Variants in RANBP2 observed in about 807,000 individuals in gnomAD.
RANBP2 encodes E3 SUMO-protein ligase RanBP2.
In RANBP2, 57 loss-of-function variants were observed where a neutral mutation model predicts 303.6. The observed-to-expected ratio is 0.19, with a 90% CI of 0.15 to 0.23. RANBP2 has a LOEUF of 0.23. Ranked by LOEUF, RANBP2 falls within the 10% of genes least tolerant of loss-of-function variation. RANBP2 has a pLI of 1.00. For missense variants in RANBP2, 3,138 were observed against 3,780.8 expected (o/e 0.83, Z 4.46); for synonymous variants, 1,167 against 1,301.5 (o/e 0.90, Z 2.23).
At chr2:109,450,697 G>A in the RANBP2 span, among the ~76,000 whole-genome samples, 11 of 152,218 alleles carry the variant, frequency 7.2e-5, no homozygotes, top group East Asian at 2.1e-3. Flanking sequence ...AAGCCCATGT[G>A]AAATCCAATA....
the RANBP2 span, among the ~76,000 whole-genome samples, chr2:109,512,401 G>A: frequency 0.52 from 78,837 of 151,870 alleles, 20,867 homozygotes; most frequent in Middle Eastern, 0.68. Flanking sequence ...TGTGGCCTCC[G>A]CCACCCTCCT....
At chr2:109,388,632 A>T in the RANBP2 span, among the ~76,000 whole-genome samples, 3 of 152,222 alleles carry the variant, frequency 2.0e-5, no homozygotes, top group Non-Finnish European at 4.4e-5. Flanking sequence ...GCATTCATTC[A>T]AACACCTATG....
chr2:108,737,009 T>C lies in RANBP2; in HGVS notation c.782+760T>C, dbSNP rs1243034576. Among the ~76,000 whole-genome samples, 3 of 139,628 alleles carry C rather than the reference T, an allele frequency of 2.1e-5. No individual in the cohort carries two copies. In the East Asian group the frequency reaches 5.9e-4, roughly 27 times the overall value. 91.6% of individuals were successfully genotyped at this position (139,628 alleles called of 152,430 possible). On this transcript the variant is annotated intron_variant, in intron 6 of 28. Transcript: ENST00000283195. Reference sequence around the variant, plus strand: ...CAGATTAGTATTCTCCTCCTTTTTGTAGAAAAAGTTTACTGATTGCTAGTT... The same window carrying C: ...CAGATTAGTATTCTCCTCCTTTTTGCAGAAAAAGTTTACTGATTGCTAGTT...
At chr2:109,416,543 C>T in the RANBP2 span, among the ~76,000 whole-genome samples, 234 of 152,286 alleles carry the variant, frequency 1.5e-3, 1 homozygote, top group African/African-American at 5.5e-3. Context: ...CGCCATCATG[C>T]CTGGCTAATT....
the RANBP2 span, among the ~76,000 whole-genome samples, chr2:108,857,821 AAAAC>A: frequency 6.6e-6 from 1 of 152,238 alleles, no homozygotes; most frequent in Admixed American, 6.5e-5. Context: ...TTTAATGAGA[AAAAC>A]AAAAATCATA....
the RANBP2 span, among the ~76,000 whole-genome samples, chr2:109,659,433 C>T: frequency 6.6e-5 from 10 of 152,168 alleles, no homozygotes; most frequent in Non-Finnish European, 1.2e-4. Flanking sequence ...CCCCGTGGCC[C>T]CAGGCTCCTT....
chr2:108,756,365 C>T (rs1676316801), intron 17 of RANBP2, among the ~76,000 whole-genome samples: 1 of 152,094 alleles, frequency 6.6e-6, no homozygotes, highest in Non-Finnish European at 1.5e-5. Flanking sequence ...CAATAGGGTT[C>T]AAAGGAGCTT....
chr2:109,317,509 G>A, the RANBP2 span, among the ~76,000 whole-genome samples: 46 of 152,116 alleles, frequency 3.0e-4, no homozygotes, highest in Non-Finnish European at 5.4e-4. Context: ...CAGCAGCCCC[G>A]TTCACAGCAG....
At chr2:109,485,860 C>T in the RANBP2 span, among the ~76,000 whole-genome samples, 1 of 152,264 alleles carries the variant, frequency 6.6e-6, no homozygotes, top group Non-Finnish European at 1.5e-5. Context: ...GGCTGCAGCA[C>T]AGCCTCATCG....
the RANBP2 span, among the ~76,000 whole-genome samples, chr2:109,517,215 TC>T: frequency 2.0e-5 from 3 of 152,098 alleles, no homozygotes; most frequent in Non-Finnish European, 4.4e-5. Flanking sequence ...GAAGCTGCTG[TC>T]CTCCCCTGTT....
At chr2:109,710,452 T>G in the RANBP2 span, among the ~76,000 whole-genome samples, 1 of 151,826 alleles carries the variant, frequency 6.6e-6, no homozygotes, top group Non-Finnish European at 1.5e-5. Flanking sequence ...ATTTCTAACA[T>G]GAATTTGTGT....
At chr2:109,135,556 A>G in the RANBP2 span, among the ~76,000 whole-genome samples, 1 of 152,224 alleles carries the variant, frequency 6.6e-6, no homozygotes, top group Non-Finnish European at 1.5e-5. Context: ...CAAGTCTCTT[A>G]TCACGCGTGA....
chr2:109,151,414 T>C, the RANBP2 span, among the ~76,000 whole-genome samples: 1 of 152,198 alleles, frequency 6.6e-6, no homozygotes, highest in Non-Finnish European at 1.5e-5. Flanking sequence ...ATTCCTAATT[T>C]TATACTCCAA....
the RANBP2 span, among the ~76,000 whole-genome samples, chr2:108,864,649 C>A: frequency 0.013 from 1,971 of 152,142 alleles, 52 homozygotes; most frequent in African/African-American, 0.046. Flanking sequence ...AACAAAAAAG[C>A]CAGGCGTGGT....
the RANBP2 span, among the ~76,000 whole-genome samples, chr2:109,366,947 T>G: frequency 0.029 from 4,399 of 152,216 alleles, 159 homozygotes; most frequent in African/African-American, 0.089. Context: ...GGGATTCGTT[T>G]TTTGAATTTA....
At chr2:108,913,015 C>T in the RANBP2 span, among the ~76,000 whole-genome samples, 1 of 148,080 alleles carries the variant, frequency 6.8e-6, no homozygotes, top group East Asian at 2.0e-4. Context: ...GTGGCGTGAT[C>T]TCGGCTCACT....
At chr2:109,117,329 TG>T in the RANBP2 span, among the ~76,000 whole-genome samples, 1 of 152,216 alleles carries the variant, frequency 6.6e-6, no homozygotes. Context: ...TAAGCAAGCC[TG>T]GGCAATGGTG....
At chr2:108,945,592 G>A in the RANBP2 span, among the ~76,000 whole-genome samples, 3 of 151,934 alleles carry the variant, frequency 2.0e-5, no homozygotes, top group Non-Finnish European at 2.9e-5. Flanking sequence ...CCAGGAAAAA[G>A]GACTGGAAAT....
At chr2:109,609,244 G>A in the RANBP2 span, among the ~76,000 whole-genome samples, 5 of 152,082 alleles carry the variant, frequency 3.3e-5, no homozygotes, top group South Asian at 1.0e-3. Flanking sequence ...TTAACATTCA[G>A]CAAGAATAAA....
Sources: allele counts gnomAD v4.1 joint callset (sites outside exome capture counted in the v4.1 genomes callset), GRCh38; gene constraint gnomAD v4.1.1; transcripts MANE v1.5; gene names NCBI Gene and HGNC (gene_info 2026-07-23, HGNC 2026-07-21).